The following ESF1 variants were observed in gnomAD, a reference collection of about 807,000 sequenced individuals.
ESF1 encodes ESF1 homolog.
Under a neutral mutation model 92.0 loss-of-function variants are expected in ESF1, and 58 were observed. The observed-to-expected ratio is 0.63, with a 90% CI of 0.51 to 0.78. ESF1 has a LOEUF of 0.78. Ranked by LOEUF, ESF1 falls within the 30% of genes least tolerant of loss-of-function variation. The pLI, the probability that ESF1 is intolerant of heterozygous loss-of-function variation, is 0.00. For missense variants in ESF1, 922 were observed against 989.1 expected, an observed-to-expected ratio of 0.93 and a Z score of 0.91; for synonymous variants, 321 against 313.7, an observed-to-expected ratio of 1.02 and a Z score of -0.24.
At chr20:13,728,145 C>G (rs535129648) in intron 11 of ESF1, among the ~76,000 whole-genome samples, 1 of 152,144 alleles carries the variant, frequency 6.6e-6, no homozygotes, top group Non-Finnish European at 1.5e-5. Flanking sequence ...AAACTATTAA[C>G]CACATTATCA....
At chr20:13,774,238 T>G (rs1324510895) in intron 4 of ESF1, among the ~76,000 whole-genome samples, 1 of 151,222 alleles carries the variant, frequency 6.6e-6, no homozygotes, top group Non-Finnish European at 1.5e-5. Flanking sequence ...CTTTAAATAT[T>G]TAAACAGAAT....
intron 9 of ESF1, among the ~76,000 whole-genome samples, chr20:13,736,219 T>C (rs1481731245): frequency 6.6e-6 from 1 of 152,152 alleles, no homozygotes; most frequent in Non-Finnish European, 1.5e-5. Context: ...GCACTGGAAG[T>C]TATTCAGCAA....
At chr20:13,776,946 A>G (rs910218724) in intron 2 of ESF1, among the ~76,000 whole-genome samples, 13 of 152,224 alleles carry the variant, frequency 8.5e-5, no homozygotes, top group African/African-American at 3.1e-4. Context: ...AGAGTTAAGT[A>G]GAGGCCAAGC....
At position 13,714,723 on chromosome 20, in the gene ESF1, A is replaced by C; in HGVS notation, c.*151T>G. On this transcript the variant is annotated 3_prime_UTR_variant, in exon 14 of 14. Coordinates refer to ENST00000617257, the MANE Select transcript of ESF1 (RefSeq NM_001276380.2). Reference sequence around the variant, plus strand: ...TTGTCAGTCATCCACAATTAAGTACAATTATTTATGGAGAAAAATTTTACT... The same window carrying C: ...TTGTCAGTCATCCACAATTAAGTACCATTATTTATGGAGAAAAATTTTACT... The C allele has an allele frequency of 1.4e-6, 1 of 716,534 alleles. No homozygotes were observed. Among genetic ancestry groups the C allele is most frequent in the South Asian group, 2.3e-5 (1 of 43,536 alleles). The allele number at this position is 716,534 out of a possible 1,614,324, so 44.4% of individuals were successfully genotyped here.
chr20:13,782,225 A>C (rs1980223425), intron 2 of ESF1, among the ~76,000 whole-genome samples: 1 of 152,174 alleles, frequency 6.6e-6, no homozygotes, highest in South Asian at 2.1e-4. Context: ...GATGACATAT[A>C]ACACTTTATC....
chr20:13,726,832 TCAAAACAAAA>T (rs36210106), intron 11 of ESF1, among the ~76,000 whole-genome samples: 147,786 of 151,448 alleles, frequency 0.98, 72,192 homozygotes, highest in East Asian at 1. Flanking sequence ...TTTTGCTTTT[TCAAAACAAAA>T]CAAAACAAAA....
intron 9 of ESF1, among the ~76,000 whole-genome samples, chr20:13,747,018 C>T (rs6079159): frequency 3.3e-5 from 5 of 152,038 alleles, no homozygotes; most frequent in Admixed American, 6.6e-5. Context: ...ATAGAGAAAA[C>T]GGAGGAAGCA....
chr20:13,776,253 T>C lies in ESF1; in HGVS notation c.655A>G (p.Thr219Ala), dbSNP rs545163002. The C allele has an allele frequency of 3.1e-6, 5 of 1,612,350 alleles. No homozygotes were observed. In the South Asian group the frequency reaches 4.4e-5, roughly 14 times the overall value. ...EMQSVVQLIM[T>A]RDSDGYENST... ...TTTTCATAACCATCACTGTCTCTTG[T>C]CATTATGAGTTGAACCACTGCAAAA... Residue 219 changes from threonine to alanine, a missense_variant, in exon 3 of 14, where the codon ACA becomes GCA. Thr to Ala is a moderately conservative substitution (Grantham distance 58, BLOSUM62 0). Transcript: ENST00000617257.
At chr20:13,743,656 T>C (rs191891307) in intron 9 of ESF1, among the ~76,000 whole-genome samples, 119 of 152,278 alleles carry the variant, frequency 7.8e-4, no homozygotes, top group East Asian at 2.5e-3. Flanking sequence ...AGTTCATTTA[T>C]ATGTGGAATC....
chr20:13,773,706 G>A (rs1374008303), intron 4 of ESF1, among the ~76,000 whole-genome samples: 1 of 152,040 alleles, frequency 6.6e-6, no homozygotes, highest in Non-Finnish European at 1.5e-5. Context: ...TTTAGATATT[G>A]TAACTTGTAG....
intron 2 of ESF1, among the ~76,000 whole-genome samples, chr20:13,778,464 T>TTC (rs1202089499): frequency 5.3e-4 from 1 of 1,892 alleles, no homozygotes. Flanking sequence ...TTGAATATCA[T>TTC]TTTTTTATTA....
At chr20:13,774,121 A>G (rs1462246263) in intron 4 of ESF1, among the ~76,000 whole-genome samples, 2 of 151,742 alleles carry the variant, frequency 1.3e-5, no homozygotes, top group Non-Finnish European at 2.9e-5. Context: ...TTTATTAGCT[A>G]CTCTTAATTT....
chr20:13,727,795 G>C (rs1384800824), intron 11 of ESF1, among the ~76,000 whole-genome samples: 1 of 152,098 alleles, frequency 6.6e-6, no homozygotes, highest in African/African-American at 2.4e-5. Flanking sequence ...AGAGGAGTAA[G>C]GAAAGCTGGC....
At chr20:13,784,436 G>A (rs955475007) in intron 1 of ESF1, among the ~76,000 whole-genome samples, 3 of 152,156 alleles carry the variant, frequency 2.0e-5, no homozygotes, top group African/African-American at 7.2e-5. Context: ...GCAATCTTAC[G>A]AGGTAGGTAC....
chr20:13,771,955 T>C (rs1242903578), intron 5 of ESF1, among the ~76,000 whole-genome samples: 2 of 145,972 alleles, frequency 1.4e-5, no homozygotes, highest in African/African-American at 5.0e-5. Context: ...AAAGCACTGA[T>C]ACAACTCTTT....
intron 7 of ESF1, 139 bp from the exon 8 acceptor site, chr20:13,767,063 T>C: frequency 1.4e-6 from 1 of 734,912 alleles, no homozygotes; most frequent in Non-Finnish European, 2.2e-6. Flanking sequence ...ACATGAATGA[T>C]ATGATTAATA....
chr20:13,759,687 C>T lies in ESF1; in HGVS notation c.1828+5G>A. The T allele has an allele frequency of 6.4e-7, 1 of 1,572,998 alleles. No homozygotes were observed. The highest frequency in any genetic ancestry group is 8.5e-7 in the Non-Finnish European group (1 of 1,170,000). ...AAGAGAAAACATTTAGTATCTAATTCTTACCTGGAACCCATTTAATTTCCA... is the reference window on the plus strand; with the variant it reads ...AAGAGAAAACATTTAGTATCTAATTTTTACCTGGAACCCATTTAATTTCCA... On this transcript the variant is annotated splice_donor_5th_base_variant and intron_variant, in intron 9 of 13. Transcript: ENST00000617257.
At chr20:13,745,775 G>A (rs1049209184) in intron 9 of ESF1, among the ~76,000 whole-genome samples, 1 of 151,880 alleles carries the variant, frequency 6.6e-6, no homozygotes, top group African/African-American at 2.4e-5. Context: ...TTTTAAAAAG[G>A]CAAATGACAA....
intron 11 of ESF1, among the ~76,000 whole-genome samples, chr20:13,725,815 G>C (rs2049897393): frequency 1.3e-5 from 2 of 152,116 alleles, no homozygotes; most frequent in Non-Finnish European, 2.9e-5. Flanking sequence ...TCATCTCTCA[G>C]ACTTATATCT....
Sources: gnomAD v4.1 joint callset for allele counts (sites outside exome capture counted in the v4.1 genomes callset) on GRCh38, gnomAD v4.1.1 for gene constraint, MANE v1.5 for transcripts, NCBI Gene and HGNC (gene_info 2026-07-23, HGNC 2026-07-21) for gene names.